Variants in UBR4 observed in about 807,000 individuals in gnomAD.
The protein encoded by UBR4 is ubiquitin protein ligase E3 component n-recognin 4, also known as E3 ubiquitin-protein ligase UBR4.
In UBR4, 124 loss-of-function variants were observed where a neutral mutation model predicts 575.6. The observed-to-expected ratio is 0.22, with a 90% CI of 0.19 to 0.25. The LOEUF (loss-of-function observed/expected upper bound fraction) is 0.25, where lower values mean the gene tolerates loss of function less well. UBR4 is among the 10% of genes least tolerant of loss of function. The probability of loss-of-function intolerance (pLI) is 1.00; values close to 1 mark genes in which losing one functional copy is unlikely to be tolerated. For missense variants in UBR4, 4,818 were observed against 6,478.8 expected, an observed-to-expected ratio of 0.74 and a Z score of 8.80; for synonymous variants, 2,455 against 2,473.7, an observed-to-expected ratio of 0.99 and a Z score of 0.22.
rs552335808 is a variant in UBR4, at chr1:19,126,496, T to C, written c.9388A>G (p.Thr3130Ala). Reference sequence around the variant, plus strand: ...GGGCTCATGTCAGGTGGGGAGGAGGTAGTATGTGGTTTCAGCAACTGGCTG... The same window carrying C: ...GGGCTCATGTCAGGTGGGGAGGAGGCAGTATGTGGTTTCAGCAACTGGCTG... ...ATSQLLKPHT[T>A]SSPPDMSPFF... The change falls in exon 64 of 106, where the codon ACC (threonine) becomes GCC (alanine). Residue 3130 changes from threonine to alanine, a missense_variant. Physicochemically the swap from Thr to Ala is moderately conservative, Grantham distance 58. Transcript: ENST00000375254. 3.5e-5 allele frequency: 56 copies of C among 1,613,642 alleles called. 1 individual carries two copies. In the South Asian group the frequency reaches 5.2e-4, roughly 15 times the overall value.
intron 73 of UBR4, 85 bp from the exon 74 acceptor site, chr1:19,115,722 T>A: frequency 6.5e-7 from 1 of 1,537,030 alleles, no homozygotes; most frequent in South Asian, 1.3e-5. Context: ...GACTGTCCCA[T>A]GTATTTTTCT....
chr1:19,078,036 G>A lies in UBR4; in HGVS notation c.15264C>T (p.Ser5088=), dbSNP rs763127905. The A allele has an allele frequency of 4.6e-5, 75 of 1,613,870 alleles. 1 individual carries two copies. In the East Asian group the frequency reaches 9.8e-4, roughly 21 times the overall value. Residue 5088 remains serine (S), a synonymous_variant, in exon 104 of 106, where the codon TCC becomes TCT. Coordinates refer to ENST00000375254, the MANE Select transcript of UBR4 (RefSeq NM_020765.3). ...AAAAGAGAAGGGAAGAACGGTAAGC[G>A]GAATAGTCCTTCACTGCCTTATCTG... ...RLTDKAVKDY[S]AYRSSLLFWA... is the part of the protein sequence containing the mutation.
chr1:19,093,479 C>T lies in UBR4; in HGVS notation c.13945G>A (p.Glu4649Lys), dbSNP rs868718961. ...KPYCNFDKYD[E>K]DHSGDDKVFL... ...ACTTTATCATCACCACTGTGATCTT[C>T]ATCATATCTAGGAGGAAAGAGCAGA... Residue 4649 changes from glutamate to lysine, a missense_variant, in exon 96 of 106, where the codon GAA (glutamate) becomes AAA (lysine). Transcript: ENST00000375254. The surrounding 1 kb of genome is among the most constrained non-coding windows in gnomAD (Gnocchi z 4.8). 6.2e-7 allele frequency: 1 copy of T among 1,614,086 alleles called. No individual in the cohort carries two copies. Among genetic ancestry groups the T allele is most frequent in the Non-Finnish European group, 8.5e-7 (1 of 1,179,988 alleles).
At chr1:19,147,125 C>T in intron 51 of UBR4, 125 bp from the exon 52 acceptor site, 8 of 979,804 alleles carry the variant, frequency 8.2e-6, no homozygotes, top group East Asian at 2.6e-5. Context: ...GGCCAATGAA[C>T]ACCAATCACC....
chr1:19,175,417 C>A (rs888578789), intron 20 of UBR4, among the ~76,000 whole-genome samples: 1 of 151,722 alleles, frequency 6.6e-6, no homozygotes, highest in African/African-American at 2.4e-5. Flanking sequence ...AACTTACATG[C>A]TGTTTCCCTA....
chr1:19,169,246 A>G (rs892898264), intron 27 of UBR4, among the ~76,000 whole-genome samples, 189 bp downstream of exon 27: 2 of 152,236 alleles, frequency 1.3e-5, no homozygotes, highest in African/African-American at 4.8e-5. Flanking sequence ...CAAACTTCTA[A>G]GCAAAAAGCC....
Position 19,110,547 on chromosome 1 carries a change from C to G in UBR4, c.11893-83G>C. ...TTAACTATTAATACAATTTCTGGTC[C>G]TAGGTGGCTCCAACAGAGACAAAGG... On this transcript the variant is annotated intron_variant, in intron 79 of 105. Coordinates refer to ENST00000375254, the MANE Select transcript of UBR4 (RefSeq NM_020765.3). This position sits in a 1 kb window ranked among gnomAD's most constrained non-coding sequence, Gnocchi z 4.5. The G allele has an allele frequency of 6.8e-7, 1 of 1,475,256 alleles. No homozygotes were observed. Among genetic ancestry groups the G allele is most frequent in the Non-Finnish European group, 9.4e-7 (1 of 1,065,734 alleles). The allele number at this position is 1,475,256 out of a possible 1,614,324, so 91.4% of individuals were successfully genotyped here.
chr1:19,110,509 G>A lies in UBR4; in HGVS notation c.11893-45C>T, dbSNP rs768310055. Reference sequence around the variant, plus strand: ...GACATGAGTCAAGAGGGTCAGCTCCGGTCCAGCGACTCTTAACTATTAATA... The same window carrying A: ...GACATGAGTCAAGAGGGTCAGCTCCAGTCCAGCGACTCTTAACTATTAATA... On this transcript the variant is annotated intron_variant, in intron 79 of 105. Transcript: ENST00000375254. This position sits in a 1 kb window ranked among gnomAD's most constrained non-coding sequence, Gnocchi z 4.5. 2.3e-5 allele frequency: 36 copies of A among 1,587,174 alleles called. No individual in the cohort carries two copies. Among genetic ancestry groups the A allele is most frequent in the Middle Eastern group, 1.7e-4 (1 of 5,962 alleles).
intron 1 of UBR4, among the ~76,000 whole-genome samples, chr1:19,202,545 T>C (rs530567325): frequency 1.3e-5 from 2 of 152,312 alleles, no homozygotes; most frequent in East Asian, 1.9e-4. Flanking sequence ...AGAAGTCATA[T>C]GATCAGTGCT....
chr1:19,208,825 T>C (rs1396140983), intron 1 of UBR4, among the ~76,000 whole-genome samples: 1 of 152,216 alleles, frequency 6.6e-6, no homozygotes, highest in African/African-American at 2.4e-5. Flanking sequence ...ACTGGAACGT[T>C]ACTGATTCTA....
Position 19,097,416 on chromosome 1 carries a change from T to C in UBR4, c.13303-136A>G, listed in dbSNP as rs2078172210. ...TCTACAAAGTCTCAACCACAACATC[T>C]AGAATCCAAATGCACAGCAATTCAC... On this transcript the variant is annotated intron_variant, in intron 90 of 105. Transcript: ENST00000375254. 1.5e-5 allele frequency: 9 copies of C among 596,556 alleles called. 1 individual carries two copies. Among genetic ancestry groups the C allele is most frequent in the South Asian group, 1.3e-4 (5 of 39,082 alleles). 37.0% of individuals were successfully genotyped at this position (596,556 alleles called of 1,614,324 possible). A position where few individuals can be genotyped will look rare whatever the true frequency, so the allele number is the denominator to read the frequency against.
intron 8 of UBR4, among the ~76,000 whole-genome samples, chr1:19,195,035 C>T (rs1250499867): frequency 6.6e-6 from 1 of 150,992 alleles, no homozygotes; most frequent in East Asian, 2.0e-4. Flanking sequence ...CCAAGGCGGG[C>T]GGATCACGAG....
In UBR4 at chr1:19,100,605, G is replaced by A. The variant is rs1398367896; in HGVS notation, c.13024-32C>T. On this transcript the variant is annotated intron_variant, in intron 88 of 105. Coordinates refer to ENST00000375254, the MANE Select transcript of UBR4 (RefSeq NM_020765.3). The surrounding 1 kb of genome is among the most constrained non-coding windows in gnomAD (Gnocchi z 4.2). ...GACAGACAGAAGGGTGCATCAGAAGGGATGGCAGAGGTGGAGATTTATACC... is the reference window on the plus strand; with the variant it reads ...GACAGACAGAAGGGTGCATCAGAAGAGATGGCAGAGGTGGAGATTTATACC... The A allele has an allele frequency of 6.2e-7, 1 of 1,605,220 alleles. No individual in the cohort carries two copies. Among genetic ancestry groups the A allele is most frequent in the African/African-American group, 1.3e-5 (1 of 74,654 alleles).
chr1:19,203,904 A>T (rs930064461), intron 1 of UBR4, among the ~76,000 whole-genome samples: 3 of 152,190 alleles, frequency 2.0e-5, no homozygotes, highest in Non-Finnish European at 4.4e-5. Context: ...GCTGGTGACT[A>T]AACACAGTTT....
chr1:19,193,828 T>C (rs2092284121), intron 8 of UBR4, among the ~76,000 whole-genome samples: 1 of 151,996 alleles, frequency 6.6e-6, no homozygotes, highest in South Asian at 2.1e-4. Flanking sequence ...AAACAAACTG[T>C]GGTATATCCA....
intron 66 of UBR4, among the ~76,000 whole-genome samples, chr1:19,122,494 T>A (rs1020832997): frequency 6.6e-6 from 1 of 152,210 alleles, no homozygotes; most frequent in African/African-American, 2.4e-5. Flanking sequence ...ATCATTTCTT[T>A]AGTATTCAAG....
At chr1:19,206,340 T>C (rs75676428) in intron 1 of UBR4, among the ~76,000 whole-genome samples, 6 of 137,780 alleles carry the variant, frequency 4.4e-5, no homozygotes, top group East Asian at 2.0e-4. Flanking sequence ...CTGTCTCTCT[T>C]TTTTTTTTTT....
intron 17 of UBR4, among the ~76,000 whole-genome samples, chr1:19,180,420 C>T (rs894386583): frequency 1.3e-5 from 2 of 151,854 alleles, no homozygotes; most frequent in Non-Finnish European, 2.9e-5. Context: ...AACTTCTGGC[C>T]TCAGGTGATC....
At chr1:19,097,668 G>A (rs1030752268) in intron 90 of UBR4, among the ~76,000 whole-genome samples, 2 of 152,254 alleles carry the variant, frequency 1.3e-5, no homozygotes, top group Non-Finnish European at 2.9e-5. Context: ...AGCTATAAGC[G>A]GAGGTCTAAT....
Sources: gnomAD v4.1 joint callset for allele counts (sites outside exome capture counted in the v4.1 genomes callset) on GRCh38, gnomAD v4.1.1 for gene constraint, Gnocchi (gnomAD v3.1) non-coding constraint, MANE v1.5 for transcripts, NCBI Gene and HGNC (gene_info 2026-07-23, HGNC 2026-07-21) for gene names.